The following RNF41 variants were observed in gnomAD, a reference collection of about 807,000 sequenced individuals.
RNF41 encodes the protein ring finger protein 41.
In RNF41, 4 loss-of-function variants were observed where a neutral mutation model predicts 33.0. That is an observed-to-expected ratio of 0.12 (90% CI 0.06 to 0.28). The LOEUF (loss-of-function observed/expected upper bound fraction) is 0.28, where lower values mean the gene tolerates loss of function less well. RNF41 is among the 10% of genes least tolerant of loss of function. The pLI, the probability that RNF41 is intolerant of heterozygous loss-of-function variation, is 1.00. For synonymous variants in RNF41, 164 were observed against 153.2 expected (o/e 1.07, Z -0.52); for missense variants, 228 against 432.6 (o/e 0.53, Z 4.19).
intron 3 of RNF41, chr12:56,213,086 G>C: frequency 5.4e-6 from 7 of 1,289,696 alleles, no homozygotes; most frequent in Non-Finnish European, 7.1e-6. Context: ...ACCTATTGAA[G>C]GTGGCAGCTT....
chr12:56,206,492 C>G lies in RNF41; in HGVS notation c.909G>C (p.Glu303Asp). The stretch of plus-strand genomic sequence containing the variant: ...GCGCAAATATCATGACAAGGCCTGG[C>G]TCTTGCACCATGTCATCCCCCATGT... ...NQHMGDDMVQ[E>D]PGLVMIFAHG... Residue 303 changes from glutamate (E) to aspartate (D), a missense_variant, in exon 7 of 7, where the codon GAG becomes GAC. Around this residue, in one of 2 missense-constraint regions of RNF41, gnomAD observed 199 missense variants for 334.6 expected, o/e 0.59. Transcript: ENST00000345093. The surrounding 1 kb of genome is among the most constrained non-coding windows in gnomAD (Gnocchi z 5.7). 1 of 1,614,158 alleles carries G rather than the reference C, an allele frequency of 6.2e-7. No individual in the cohort carries two copies.
chr12:56,208,377 T>A, intron 4 of RNF41, 79 bp from the exon 5 acceptor site: 1 of 1,500,672 alleles, frequency 6.7e-7, no homozygotes, highest in Non-Finnish European at 9.2e-7. Context: ...CTGTGGCAGA[T>A]AACTGCTAAG....
In RNF41 at chr12:56,204,061, C is replaced by T. The variant is rs1180034986; in HGVS notation, c.*2386G>A. 4 of 152,146 alleles carry T rather than the reference C, an allele frequency of 2.6e-5. No individual in the cohort carries two copies. Among genetic ancestry groups the T allele is most frequent in the African/African-American group, 4.8e-5 (2 of 41,436 alleles). 9.4% of individuals were successfully genotyped at this position (152,146 alleles called of 1,614,324 possible). On this transcript the variant is annotated 3_prime_UTR_variant, in exon 7 of 7. Transcript: ENST00000345093. The stretch of plus-strand genomic sequence containing the variant: ...GAAACCTCTGCAAGTACATTTCCCT[C>T]CTCACATTTACGTTCTTAGCTAGGA...
At chr12:56,210,618 A>G in intron 3 of RNF41, 50 bp from the exon 4 acceptor site, 1 of 1,494,526 alleles carries the variant, frequency 6.7e-7, no homozygotes, top group Non-Finnish European at 9.0e-7. Flanking sequence ...AGCAGGACCT[A>G]AGAGCCTGGA....
Position 56,204,917 on chromosome 12 carries a change from C to A in RNF41, c.*1530G>T, listed in dbSNP as rs905567349. The A allele has an allele frequency of 6.6e-6, 1 of 152,436 alleles. No individual in the cohort carries two copies. Among genetic ancestry groups the A allele is most frequent in the African/African-American group, 2.4e-5 (1 of 41,436 alleles). 9.4% of individuals were successfully genotyped at this position (152,436 alleles called of 1,614,324 possible). A position where few individuals can be genotyped will look rare whatever the true frequency, so the allele number is the denominator to read the frequency against. On this transcript the variant is annotated 3_prime_UTR_variant, in exon 7 of 7. Transcript: ENST00000345093. ...TCTATCTCCAACCACACTCCCACCT[C>A]CATATTAAAATAATCACACCTATTA...
intron 3 of RNF41, chr12:56,212,886 G>C: frequency 1.2e-6 from 1 of 806,856 alleles, no homozygotes; most frequent in Non-Finnish European, 1.8e-6. Flanking sequence ...TAGATAGCCA[G>C]GAAAGAGAAA....
chr12:56,207,796 GA>G (rs910144871), intron 5 of RNF41, 47 bp from the exon 6 acceptor site: 1 of 1,466,588 alleles, frequency 6.8e-7, no homozygotes, highest in African/African-American at 1.4e-5. Flanking sequence ...GCAGACAGCA[GA>G]AAAAAGACAA....
Position 56,219,901 on chromosome 12 carries a change from C to T in RNF41, c.-209+1859G>A, listed in dbSNP as rs180813211. Among the ~76,000 whole-genome samples the T allele has an allele frequency of 2.9e-3, 434 of 151,674 alleles. 1 individual carries two copies. The highest frequency in any genetic ancestry group is 5.2e-3 in the Non-Finnish European group (351 of 67,918). ...ATGATGGCGTGAGTGCCTGTAGTCCCGGCTACTGAGGAGGCTGAAGGGGGA... is the reference window on the plus strand; with the variant it reads ...ATGATGGCGTGAGTGCCTGTAGTCCTGGCTACTGAGGAGGCTGAAGGGGGA... On this transcript the variant is annotated intron_variant, in intron 1 of 6. Coordinates refer to ENST00000345093, the MANE Select transcript of RNF41 (RefSeq NM_005785.4).
At chr12:56,211,041 CA>C (rs1436594927) in intron 3 of RNF41, among the ~76,000 whole-genome samples, 3 of 152,096 alleles carry the variant, frequency 2.0e-5, no homozygotes, top group African/African-American at 7.2e-5. Flanking sequence ...AAAAATTAGC[CA>C]GGGGTGGTGG....
Position 56,202,371 on chromosome 12 carries a change from T to G in RNF41, c.*4076A>C, listed in dbSNP as rs1161685227. 6.6e-6 allele frequency: 1 copy of G among 152,002 alleles called. No individual in the cohort carries two copies. The highest frequency in any genetic ancestry group is 2.4e-5 in the African/African-American group (1 of 41,394). The allele number at this position is 152,002 out of a possible 1,614,324, so 9.4% of individuals were successfully genotyped here. A position where few individuals can be genotyped will look rare whatever the true frequency, so the allele number is the denominator to read the frequency against. Reference sequence around the variant, plus strand: ...TGACAGTGTTCTTTCTACTCCCTCCTTCCCCCAGTTCTCCTGACCTTAAAA... The same window carrying G: ...TGACAGTGTTCTTTCTACTCCCTCCGTCCCCCAGTTCTCCTGACCTTAAAA... On this transcript the variant is annotated 3_prime_UTR_variant, in exon 7 of 7. Coordinates refer to ENST00000345093, the MANE Select transcript of RNF41 (RefSeq NM_005785.4).
chr12:56,212,971 G>A (rs1868591355), intron 3 of RNF41: 2 of 1,286,946 alleles, frequency 1.6e-6, no homozygotes, highest in Non-Finnish European at 2.0e-6. Flanking sequence ...AACTCTTAAG[G>A]ATTCACCTCA....
At chr12:56,215,501 A>AT (rs915103578) in intron 2 of RNF41, among the ~76,000 whole-genome samples, 1 of 151,114 alleles carries the variant, frequency 6.6e-6, no homozygotes, top group African/African-American at 2.4e-5. Context: ...CAGACGGATC[A>AT]TGAGGTCAAG....
At chr12:56,207,898 C>T in intron 5 of RNF41, 149 bp from the exon 6 acceptor site, 1 of 756,320 alleles carries the variant, frequency 1.3e-6, no homozygotes, top group Admixed American at 2.0e-5. Context: ...GTCTCACTCA[C>T]AGCTGTCTCC....
At chr12:56,207,120 A>G in intron 6 of RNF41, 1 of 1,311,268 alleles carries the variant, frequency 7.6e-7, no homozygotes, top group Non-Finnish European at 9.8e-7. Flanking sequence ...CCTCTATCCT[A>G]TGTCCCACTC....
intron 3 of RNF41, 28 bp from the exon 4 acceptor site, chr12:56,210,596 C>T (rs781689655): frequency 2.7e-5 from 44 of 1,601,292 alleles, no homozygotes; most frequent in Middle Eastern, 1.6e-4. Context: ...GCAAAAGGGG[C>T]GCAAGGGAAT....
chr12:56,212,969 A>T (rs1312061272), intron 3 of RNF41: 11 of 1,286,760 alleles, frequency 8.5e-6, no homozygotes, highest in East Asian at 5.5e-5. Context: ...ACAACTCTTA[A>T]GGATTCACCT....
In RNF41 at chr12:56,202,780, A is replaced by AT. The variant is rs1162126373; in HGVS notation, c.*3666dup. The AT allele has an allele frequency of 6.6e-6, 1 of 152,338 alleles. No homozygotes were observed. Among genetic ancestry groups the AT allele is most frequent in the African/African-American group, 2.4e-5 (1 of 41,576 alleles). 9.4% of individuals were successfully genotyped at this position (152,338 alleles called of 1,614,324 possible). A position where few individuals can be genotyped will look rare whatever the true frequency, so the allele number is the denominator to read the frequency against. On this transcript the variant is annotated 3_prime_UTR_variant, in exon 7 of 7. Coordinates refer to ENST00000345093, the MANE Select transcript of RNF41 (RefSeq NM_005785.4). ...GCCATTTTGCTACATAAGCCTCCTC[A>AT]TGTTCACTCTAGTGAGTATCTCACA...
intron 3 of RNF41, chr12:56,212,842 C>T (rs757961206): frequency 1.3e-4 from 62 of 487,466 alleles, no homozygotes; most frequent in Non-Finnish European, 1.8e-4. Context: ...AACCTCATTG[C>T]CTAGTGTCCT....
chr12:56,217,309 G>C (rs1292950633), intron 1 of RNF41, among the ~76,000 whole-genome samples: 1 of 152,132 alleles, frequency 6.6e-6, no homozygotes, highest in Admixed American at 6.5e-5. Context: ...CACTTTGGGA[G>C]GCCGAGGCGG....
Sources: allele counts gnomAD v4.1 joint callset (sites outside exome capture counted in the v4.1 genomes callset), GRCh38; gene constraint gnomAD v4.1.1; regional missense constraint gnomAD v4.1.1; non-coding constraint Gnocchi (gnomAD v3.1); transcripts MANE v1.5; gene names NCBI Gene and HGNC (gene_info 2026-07-23, HGNC 2026-07-21).